TRAF3IP1: variants seen among roughly 807,000 people sequenced by gnomAD.
TRAF3IP1 encodes TRAF3-interacting protein 1.
TRAF3IP1 carries 53 observed loss-of-function variants against 89.9 expected under a neutral mutation model. That is an observed-to-expected ratio of 0.59 (90% confidence interval 0.47 to 0.74). TRAF3IP1 has a LOEUF of 0.74. Ranked by LOEUF, TRAF3IP1 falls within the 30% of genes least tolerant of loss-of-function variation. The pLI is 0.00. For missense variants in TRAF3IP1, 806 were observed against 866.1 expected (o/e 0.93, Z 0.87); for synonymous variants, 311 against 322.1 (o/e 0.97, Z 0.37).
Position 238,338,349 on chromosome 2 carries a change from T to C in TRAF3IP1, c.1064-13T>C. 2 of 1,460,504 alleles carry C rather than the reference T, an allele frequency of 1.4e-6. No homozygotes were observed. The highest frequency in any genetic ancestry group is 1.9e-6 in the Non-Finnish European group (2 of 1,064,154). The allele number at this position is 1,460,504 out of a possible 1,614,324, so 90.5% of individuals were successfully genotyped here. On this transcript the variant is annotated splice_polypyrimidine_tract_variant and intron_variant, in intron 7 of 16. Transcript: ENST00000373327. ...TATAATATTTTAATCTGTTGTTAAC[T>C]ATTTTATGTCAGGAAGGAAGGAGGA...
rs1697462962 is a variant in TRAF3IP1, at chr2:238,320,539, AGCGGCGCGTCCTGGCAGGACCGGGCG to A, written c.-117_-92del. ...CGGTGCACTGTGGGATGGAAACCGG[AGCGGCGCGTCCTGGCAGGACCGGGCG>A]GCGGCGGCGGCGGGGCCGGCGGCGG... On this transcript the variant is annotated 5_prime_UTR_variant, in exon 1 of 17. The change abolishes the stop of an existing upstream ORF in the 5' untranslated region. Transcript: ENST00000373327. The A allele has an allele frequency of 9.8e-7, 1 of 1,018,448 alleles. No homozygotes were observed. The highest frequency in any genetic ancestry group is 5.7e-5 in the Admixed American group (1 of 17,396). The allele number at this position is 1,018,448 out of a possible 1,614,324, so 63.1% of individuals were successfully genotyped here. A position where few individuals can be genotyped will look rare whatever the true frequency, so the allele number is the denominator to read the frequency against.
chr2:238,338,581 A>G (rs775191584), intron 8 of TRAF3IP1, 124 bp downstream of exon 8: 6 of 568,216 alleles, frequency 1.1e-5, no homozygotes, highest in African/African-American at 1.9e-5. Context: ...AGACTTTTTC[A>G]TGATGTATTG....
At position 238,399,045 on chromosome 2, in the gene TRAF3IP1, C is replaced by A; in HGVS notation, c.*126C>A. 2.3e-6 allele frequency: 2 copies of A among 862,270 alleles called. No homozygotes were observed. The highest frequency in any genetic ancestry group is 3.4e-6 in the Non-Finnish European group (2 of 588,262). 53.4% of individuals were successfully genotyped at this position (862,270 alleles called of 1,614,324 possible). A position where few individuals can be genotyped will look rare whatever the true frequency, so the allele number is the denominator to read the frequency against. On this transcript the variant is annotated 3_prime_UTR_variant, in exon 17 of 17. Transcript: ENST00000373327. ...AACAGTTTACAATGTTATTATCCAG[C>A]TAATTTTCAGAGCTTTAAAACTGTA...
rs1443545468 is a variant in TRAF3IP1 at position 238,379,815 on chromosome 2, G to A, written c.1690-17644G>A. ...GGAGCCAGAATGATAAGGAAATACT[G>A]TAGCAATAGGCTCAATAGAAAATGA... is the stretch of plus-strand genomic sequence containing the variant. On this transcript the variant is annotated intron_variant, in intron 15 of 16. Transcript: ENST00000373327. This position sits in a 1 kb window ranked among gnomAD's most constrained non-coding sequence, Gnocchi z 4.0. 6.6e-6 allele frequency among the ~76,000 whole-genome samples: 1 copy of A among 152,180 alleles called. No homozygotes were observed. The highest frequency in any genetic ancestry group is 1.9e-4 in the East Asian group (1 of 5,198).
At chr2:238,349,211 C>T in intron 11 of TRAF3IP1, 114 bp from the exon 12 acceptor site, 1 of 996,962 alleles carries the variant, frequency 1.0e-6, no homozygotes, top group Non-Finnish European at 1.5e-6. Context: ...TCCTAACCAG[C>T]ACATTGATTA....
chr2:238,376,585 C>T (rs547272724), intron 15 of TRAF3IP1, among the ~76,000 whole-genome samples: 23 of 152,290 alleles, frequency 1.5e-4, no homozygotes, highest in African/African-American at 5.5e-4. Flanking sequence ...AACTATCTCT[C>T]CATTTATTTA....
chr2:238,350,114 T>C (rs1485255303), intron 12 of TRAF3IP1, among the ~76,000 whole-genome samples: 1 of 151,116 alleles, frequency 6.6e-6, no homozygotes, highest in East Asian at 1.9e-4. Context: ...AAACAACAGA[T>C]AGGATGGATC....
chr2:238,333,103 T>C (rs962782061), intron 6 of TRAF3IP1, among the ~76,000 whole-genome samples: 4 of 152,116 alleles, frequency 2.6e-5, no homozygotes, highest in African/African-American at 9.7e-5. Flanking sequence ...ATTCTCTGAT[T>C]TTCTGTGGGG....
chr2:238,375,824 A>T (rs981089809), intron 15 of TRAF3IP1, among the ~76,000 whole-genome samples: 2 of 152,214 alleles, frequency 1.3e-5, no homozygotes, highest in Non-Finnish European at 2.9e-5. Context: ...TACTCTTTTT[A>T]AAAAAGTAAA....
chr2:238,334,945 C>T (rs933850185), intron 7 of TRAF3IP1, among the ~76,000 whole-genome samples: 6 of 152,104 alleles, frequency 3.9e-5, no homozygotes, highest in South Asian at 4.1e-4. Context: ...TTTTGATGGA[C>T]GAAAAACAAA....
In TRAF3IP1 at chr2:238,330,653, G is replaced by A. The variant is rs147220369; in HGVS notation, c.915+1311G>A. Among the ~76,000 whole-genome samples the A allele has an allele frequency of 2.5e-3, 374 of 152,264 alleles. 2 individuals carry two copies. Among genetic ancestry groups the A allele is most frequent in the African/African-American group, 8.4e-3 (349 of 41,546 alleles). The stretch of plus-strand genomic sequence containing the variant: ...GCCTGCCCAGGGGAGGTGGGTGGGC[G>A]CCACAGGACTGACCCTGAGGGAATC... On this transcript the variant is annotated intron_variant, in intron 5 of 16. Coordinates refer to ENST00000373327, the MANE Select transcript of TRAF3IP1 (RefSeq NM_015650.4).
rs112794161 is a variant in TRAF3IP1, at chr2:238,349,666, C to T, written c.1451+258C>T. 2.4e-3 allele frequency among the ~76,000 whole-genome samples: 365 copies of T among 152,244 alleles called. 3 individuals are homozygous for T. The highest frequency in any genetic ancestry group is 8.5e-3 in the African/African-American group (351 of 41,536). ...AATGTTGGACTGCATTTCTCTGACC[C>T]CTAGATTGAAGACTTTCTAAGCGTG... On this transcript the variant is annotated intron_variant, in intron 12 of 16. Transcript: ENST00000373327.
intron 15 of TRAF3IP1, among the ~76,000 whole-genome samples, chr2:238,387,494 C>G (rs1574972825): frequency 6.6e-6 from 1 of 152,196 alleles, no homozygotes; most frequent in East Asian, 1.9e-4. Context: ...ATGTAAATTT[C>G]TAAAACTATA....
At chr2:238,344,435 C>T (rs973140892) in intron 8 of TRAF3IP1, 62 bp from the exon 9 acceptor site, 16 of 1,315,464 alleles carry the variant, frequency 1.2e-5, no homozygotes, top group African/African-American at 8.8e-5. Context: ...TTAATGAAGC[C>T]GCTGATCACC....
At chr2:238,367,461 T>C (rs1357709574) in intron 15 of TRAF3IP1, among the ~76,000 whole-genome samples, 1 of 152,066 alleles carries the variant, frequency 6.6e-6, no homozygotes, top group Admixed American at 6.6e-5. Flanking sequence ...CATTAGGCCT[T>C]GAAAGGAATG....
At chr2:238,325,241 G>A (rs1237065680) in intron 1 of TRAF3IP1, 65 bp from the exon 2 acceptor site, 2 of 1,489,076 alleles carry the variant, frequency 1.3e-6, no homozygotes, top group Non-Finnish European at 1.9e-6. Context: ...GTGGAGTTGA[G>A]TGGATGAGGC....
At chr2:238,396,689 A>G (rs895481479) in intron 15 of TRAF3IP1, among the ~76,000 whole-genome samples, 1 of 152,178 alleles carries the variant, frequency 6.6e-6, no homozygotes, top group South Asian at 2.1e-4. Flanking sequence ...TGCATGGCAA[A>G]GAACCCAAGA....
intron 5 of TRAF3IP1, 62 bp downstream of exon 5, chr2:238,329,404 G>T (rs1363683449): frequency 7.7e-7 from 1 of 1,295,810 alleles, no homozygotes; most frequent in East Asian, 2.8e-5. Context: ...TCTCAAACAT[G>T]ATTTTTACCT....
intron 10 of TRAF3IP1, 83 bp downstream of exon 10, chr2:238,347,558 C>T: frequency 1.4e-6 from 2 of 1,407,082 alleles, no homozygotes; most frequent in Middle Eastern, 3.5e-4. Context: ...CAGATTCATG[C>T]TTTATAAAGT....
Sources: allele counts gnomAD v4.1 joint callset (sites outside exome capture counted in the v4.1 genomes callset), GRCh38; gene constraint gnomAD v4.1.1; non-coding constraint Gnocchi (gnomAD v3.1); transcripts MANE v1.5; gene names NCBI Gene and HGNC (gene_info 2026-07-23, HGNC 2026-07-21).